C8A: variants seen among roughly 807,000 people sequenced by gnomAD.
C8A encodes complement C8 alpha chain, also known as complement component C8 alpha chain.
C8A carries 67 observed loss-of-function variants against 65.3 expected under a neutral mutation model. The observed-to-expected ratio is 1.03, with a 90% CI of 0.84 to 1.26. The LOEUF (loss-of-function observed/expected upper bound fraction) is 1.26, where lower values mean the gene tolerates loss of function less well. C8A is among the 50% of genes most tolerant of loss of function. C8A has a pLI of 0.00. For synonymous variants in C8A, 290 were observed against 259.4 expected (o/e 1.12, Z -1.13); for missense variants, 781 against 723.9 (o/e 1.08, Z -0.90).
chr1:56,897,275 C>T (rs1644393829), intron 7 of C8A, among the ~76,000 whole-genome samples: 1 of 152,132 alleles, frequency 6.6e-6, no homozygotes, highest in African/African-American at 2.4e-5. Context: ...AACTGAAAAG[C>T]ATGAGATTGT....
intron 2 of C8A, among the ~76,000 whole-genome samples, chr1:56,870,687 T>TAA (rs1250198849): frequency 6.6e-6 from 1 of 152,246 alleles, no homozygotes; most frequent in African/African-American, 2.4e-5. Context: ...AAATTTTTCG[T>TAA]ATTTATTTCA....
At chr1:56,875,425 C>A (rs575906969) in intron 3 of C8A, among the ~76,000 whole-genome samples, 12 of 152,252 alleles carry the variant, frequency 7.9e-5, no homozygotes, top group South Asian at 2.1e-4. Flanking sequence ...AAATAATGCA[C>A]CTTACCTTGA....
chr1:56,894,463 GC>G (rs1318301300), intron 7 of C8A, among the ~76,000 whole-genome samples: 1 of 151,938 alleles, frequency 6.6e-6, no homozygotes, highest in Non-Finnish European at 1.5e-5. Flanking sequence ...ATCATCCCTG[GC>G]CCTGATGGAT....
At chr1:56,877,856 C>G (rs945796655) in intron 4 of C8A, among the ~76,000 whole-genome samples, 1 of 152,104 alleles carries the variant, frequency 6.6e-6, no homozygotes, top group East Asian at 1.9e-4. Flanking sequence ...GAGATCAGAG[C>G]CCACCTACTT....
intron 7 of C8A, among the ~76,000 whole-genome samples, chr1:56,890,530 T>C (rs1644336416): frequency 6.6e-6 from 1 of 152,190 alleles, no homozygotes; most frequent in South Asian, 2.1e-4. Context: ...TTCTAAAGCA[T>C]ATGCATCACC....
chr1:56,859,875 A>ATCGAG (rs1483822739), intron 1 of C8A, among the ~76,000 whole-genome samples: 1 of 152,104 alleles, frequency 6.6e-6, no homozygotes, highest in African/African-American at 2.4e-5. Context: ...CATCCTGACC[A>ATCGAG]ACATGGTGAA....
chr1:56,895,725 G>A (rs1456414677), intron 7 of C8A, among the ~76,000 whole-genome samples: 1 of 152,128 alleles, frequency 6.6e-6, no homozygotes, highest in Admixed American at 6.5e-5. Context: ...GATCATTTGA[G>A]CCCAGGAGTT....
chr1:56,876,208 G>C lies in C8A; in HGVS notation c.463G>C (p.Gly155Arg), dbSNP rs1018655444. The C allele has an allele frequency of 6.2e-7, 1 of 1,613,664 alleles. No homozygotes were observed. The highest frequency in any genetic ancestry group is 1.3e-5 in the African/African-American group (1 of 74,876). Residue 155 changes from glycine to arginine, a missense_variant and splice_region_variant, in exon 4 of 11, where the codon GGG becomes CGG. By Grantham distance (125) the Gly-to-Arg change is moderately radical. Coordinates refer to ENST00000361249, the MANE Select transcript of C8A (RefSeq NM_000562.3). ...PIPGSQKAAL[G>R]YNILTQEDAQ... is the part of the protein sequence containing the mutation. ...TCCAGGATCACAGAAGGCAGCCTTG[G>C]GGTGAGGCCCTGCCTACTAGCTATT...
chr1:56,885,654 C>T (rs1291843818), intron 6 of C8A, among the ~76,000 whole-genome samples: 1 of 149,910 alleles, frequency 6.7e-6, no homozygotes, highest in African/African-American at 2.5e-5. Flanking sequence ...CTGGTTCAAG[C>T]GATTCTCCTG....
In C8A at chr1:56,912,462, C is replaced by T; in HGVS notation, c.1440C>T (p.Arg480=). Residue 480 remains arginine (R), a synonymous_variant, in exon 10 of 11, where the codon CGC becomes CGT. Coordinates refer to ENST00000361249, the MANE Select transcript of C8A (RefSeq NM_000562.3). ...HTSLGPLEAK[R]QNLRRALDQY... ...GCCTGGGGCCTCTGGAGGCCAAGCG[C>T]CAGAACCTGCGCCGCGCCTTGGACC... 3.7e-6 allele frequency: 6 copies of T among 1,614,202 alleles called. No individual in the cohort carries two copies. Among genetic ancestry groups the T allele is most frequent in the Non-Finnish European group, 4.2e-6 (5 of 1,180,028 alleles).
intron 1 of C8A, among the ~76,000 whole-genome samples, chr1:56,858,163 T>C (rs1231843665): frequency 1.3e-5 from 2 of 152,150 alleles, no homozygotes; most frequent in Non-Finnish European, 2.9e-5. Flanking sequence ...ACAATAACAC[T>C]TTTAATGTTC....
chr1:56,855,350 G>T (rs1300694293), intron 1 of C8A, among the ~76,000 whole-genome samples: 1 of 152,148 alleles, frequency 6.6e-6, no homozygotes, highest in Non-Finnish European at 1.5e-5. Flanking sequence ...CTTAATAAAT[G>T]ACAGTTCTCC....
intron 7 of C8A, among the ~76,000 whole-genome samples, chr1:56,896,486 G>A (rs1389424096): frequency 6.6e-6 from 1 of 152,136 alleles, no homozygotes; most frequent in Non-Finnish European, 1.5e-5. Context: ...AATGTTCCAG[G>A]TTGAAGAAAG....
At position 56,912,555 on chromosome 1, in the gene C8A, G is replaced by A. The variant is rs1273472659; in HGVS notation, c.1533G>A (p.Glu511=). 1 of 1,614,214 alleles carries A rather than the reference G, an allele frequency of 6.2e-7. No homozygotes were observed. The change falls in exon 10 of 11, where the codon GAG becomes GAA. Residue 511 remains glutamate (E), a synonymous_variant. Transcript: ENST00000361249. The part of the protein sequence containing the change: ...PCFNNGVPIL[E]GTSCRCQCRL... Reference sequence around the variant, plus strand: ...TCAACAATGGGGTGCCCATCCTCGAGGGCACCAGCTGCAGGTGCCAGTGCC... The same window carrying A: ...TCAACAATGGGGTGCCCATCCTCGAAGGCACCAGCTGCAGGTGCCAGTGCC...
intron 2 of C8A, among the ~76,000 whole-genome samples, chr1:56,871,995 C>T (rs926885689): frequency 1.1e-4 from 16 of 152,248 alleles, no homozygotes; most frequent in African/African-American, 3.9e-4. Flanking sequence ...ATCCCTGTTG[C>T]TTATTTAACT....
chr1:56,911,081 T>TTA lies in C8A; in HGVS notation c.1381-1322_1381-1321insTA, dbSNP rs1553177913. On this transcript the variant is annotated intron_variant, in intron 9 of 10. Transcript: ENST00000361249. ...AAAACATGGGTTTTTTTTTTTTTTTTACTATTATCACATACAACTAACAAA... is the reference window on the plus strand; with the variant it reads ...AAAACATGGGTTTTTTTTTTTTTTTTTAACTATTATCACATACAACTAACAAA... Among the ~76,000 whole-genome samples the TTA allele has an allele frequency of 1.7e-4, 25 of 151,274 alleles. No individual in the cohort carries two copies. The East Asian group carries it at 4.3e-3, about 26-fold the overall frequency.
chr1:56,869,932 A>G (rs1644127592), intron 2 of C8A, among the ~76,000 whole-genome samples: 1 of 152,170 alleles, frequency 6.6e-6, no homozygotes, highest in Non-Finnish European at 1.5e-5. Context: ...TGAGTTATTC[A>G]AAATTGCATA....
At chr1:56,874,607 C>T (rs1050729770) in intron 2 of C8A, among the ~76,000 whole-genome samples, 11 of 152,092 alleles carry the variant, frequency 7.2e-5, no homozygotes, top group South Asian at 4.2e-4. Context: ...GACAGGGAAG[C>T]GAGCAACTTG....
At chr1:56,876,749 C>A (rs61766985) in intron 4 of C8A, among the ~76,000 whole-genome samples, 15,309 of 152,098 alleles carry the variant, frequency 0.1, 1,001 homozygotes, top group Non-Finnish European at 0.15. Context: ...ATGAAATCAG[C>A]CTTGATTCTA....
Sources: allele counts gnomAD v4.1 joint callset (sites outside exome capture counted in the v4.1 genomes callset), GRCh38; gene constraint gnomAD v4.1.1; transcripts MANE v1.5; gene names NCBI Gene and HGNC (gene_info 2026-07-23, HGNC 2026-07-21).